The following LPP variants were observed in gnomAD, a reference collection of about 807,000 sequenced individuals.
LPP encodes lipoma-preferred partner.
Under a neutral mutation model 60.4 loss-of-function variants are expected in LPP, and 38 were observed. The observed-to-expected ratio is 0.63, with a 90% confidence interval of 0.49 to 0.83. The LOEUF is 0.83. Ranked by LOEUF, LPP falls within the 40% of genes least tolerant of loss-of-function variation. The probability of loss-of-function intolerance (pLI) is 0.00; values close to 1 mark genes in which losing one functional copy is unlikely to be tolerated. For synonymous variants in LPP, 328 were observed against 290.8 expected, an observed-to-expected ratio of 1.13 and a Z score of -1.30; for missense variants, 902 against 783.6, an observed-to-expected ratio of 1.15 and a Z score of -1.80.
At chr3:188,675,541 G>A (rs1857863110) in intron 7 of LPP, among the ~76,000 whole-genome samples, 1 of 152,202 alleles carries the variant, frequency 6.6e-6, no homozygotes, top group South Asian at 2.1e-4. Flanking sequence ...ATCAAGGGGT[G>A]TTGGTAGTAA....
At chr3:188,345,224 A>G (rs558801529) in intron 3 of LPP, among the ~76,000 whole-genome samples, 61 of 152,312 alleles carry the variant, frequency 4.0e-4, no homozygotes, top group African/African-American at 1.4e-3. Flanking sequence ...AGGCAAAACC[A>G]ATTTCATTTT....
At chr3:188,812,710 C>G (rs112588345) in intron 9 of LPP, among the ~76,000 whole-genome samples, 122 of 152,122 alleles carry the variant, frequency 8.0e-4, no homozygotes, top group African/African-American at 2.9e-3. Flanking sequence ...ATTTTTCCCT[C>G]ATTCCTGGGT....
chr3:188,762,085 A>T (rs1732550623), intron 9 of LPP, among the ~76,000 whole-genome samples: 1 of 152,028 alleles, frequency 6.6e-6, no homozygotes, highest in South Asian at 2.1e-4. Context: ...TAATGATGCT[A>T]CTGTGGCAGC....
At chr3:188,588,435 A>T (rs1444001883) in intron 6 of LPP, among the ~76,000 whole-genome samples, 1 of 152,140 alleles carries the variant, frequency 6.6e-6, no homozygotes, top group Non-Finnish European at 1.5e-5. Context: ...TATCCTTCAC[A>T]ATCTGTCCTG....
intron 9 of LPP, among the ~76,000 whole-genome samples, chr3:188,807,479 T>C (rs752454628): frequency 5.9e-5 from 9 of 152,058 alleles, no homozygotes; most frequent in Non-Finnish European, 1.2e-4. Context: ...TTCATTCTTT[T>C]ATATTTTCTC....
chr3:188,561,987 A>C (rs1579974321), intron 6 of LPP, among the ~76,000 whole-genome samples: 1 of 152,070 alleles, frequency 6.6e-6, no homozygotes, highest in East Asian at 1.9e-4. Flanking sequence ...TAAGGTTGAG[A>C]AGAGGGCAGT....
chr3:188,308,641 C>T (rs1038650786), intron 2 of LPP, among the ~76,000 whole-genome samples: 17 of 152,062 alleles, frequency 1.1e-4, no homozygotes, highest in African/African-American at 4.1e-4. Flanking sequence ...CATTGTGTCA[C>T]GATGAAGCAA....
intron 3 of LPP, among the ~76,000 whole-genome samples, chr3:188,343,316 TA>T (rs1763540307): frequency 6.6e-6 from 1 of 152,196 alleles, no homozygotes. Flanking sequence ...ACATTGTTTT[TA>T]AAAAAGGTAG....
At chr3:188,825,897 G>T (rs1755353650) in intron 9 of LPP, among the ~76,000 whole-genome samples, 1 of 152,026 alleles carries the variant, frequency 6.6e-6, no homozygotes, top group African/African-American at 2.4e-5. Flanking sequence ...ACAGACGTAG[G>T]ACACGTTTTT....
intron 4 of LPP, among the ~76,000 whole-genome samples, chr3:188,477,417 G>A (rs142834857): frequency 9.6e-4 from 146 of 152,270 alleles, no homozygotes; most frequent in African/African-American, 3.4e-3. Context: ...GCTTGAAAAG[G>A]TTTCGTCTCT....
chr3:188,381,621 A>G (rs944143362), intron 3 of LPP, among the ~76,000 whole-genome samples: 2 of 152,222 alleles, frequency 1.3e-5, no homozygotes, highest in African/African-American at 4.8e-5. Flanking sequence ...GGATTGTGTC[A>G]TTCATTGAAA....
At chr3:188,769,115 T>A (rs1258373075) in intron 9 of LPP, among the ~76,000 whole-genome samples, 1 of 152,114 alleles carries the variant, frequency 6.6e-6, no homozygotes, top group Non-Finnish European at 1.5e-5. Flanking sequence ...ATATAAAATA[T>A]CTAGGTAAAA....
Position 188,881,895 on chromosome 3 carries a change from C to G in LPP, c.*7416C>G, listed in dbSNP as rs532210377. 1 of 216,874 alleles carries G rather than the reference C, an allele frequency of 4.6e-6. No homozygotes were observed. Among genetic ancestry groups the G allele is most frequent in the Non-Finnish European group, 9.3e-6 (1 of 107,732 alleles). 13.4% of individuals were successfully genotyped at this position (216,874 alleles called of 1,614,324 possible). A position where few individuals can be genotyped will look rare whatever the true frequency, so the allele number is the denominator to read the frequency against. On this transcript the variant is annotated 3_prime_UTR_variant, in exon 12 of 12. Transcript: ENST00000617246. The stretch of plus-strand genomic sequence containing the variant: ...TGGTTGATTGATTTCGAGATTCATT[C>G]ATTCTGTGCTCAAATATTTGTACCT...
chr3:188,668,313 A>G (rs1265118354), intron 7 of LPP, among the ~76,000 whole-genome samples: 4 of 152,168 alleles, frequency 2.6e-5, no homozygotes, highest in African/African-American at 9.7e-5. Flanking sequence ...GGACATGAAC[A>G]ATGTACAATA....
At chr3:188,660,557 A>T (rs1854338352) in intron 7 of LPP, among the ~76,000 whole-genome samples, 1 of 152,166 alleles carries the variant, frequency 6.6e-6, no homozygotes, top group African/African-American at 2.4e-5. Context: ...TTTCTGTCTT[A>T]AACTTCTCTT....
Position 188,458,317 on chromosome 3 carries a change from G to A in LPP, c.194-26275G>A, listed in dbSNP as rs141611847. ...ATTAGCTGAGACTCACTTGAAGATG[G>A]ACTTCTTGATTTTGAAGAGTTGTCT... On this transcript the variant is annotated intron_variant, in intron 4 of 11. Transcript: ENST00000617246. 8.5e-5 allele frequency among the ~76,000 whole-genome samples: 13 copies of A among 152,302 alleles called. 1 individual carries two copies. The highest frequency in any genetic ancestry group is 1.6e-4 in the Non-Finnish European group (11 of 68,014).
At chr3:188,274,256 T>A (rs1197740278) in intron 2 of LPP, among the ~76,000 whole-genome samples, 3 of 152,240 alleles carry the variant, frequency 2.0e-5, no homozygotes, top group Non-Finnish European at 4.4e-5. Context: ...GTATAATTGC[T>A]CAAATTGTGA....
At chr3:188,538,355 AAGAC>A (rs1020793139) in intron 6 of LPP, among the ~76,000 whole-genome samples, 1 of 152,212 alleles carries the variant, frequency 6.6e-6, no homozygotes, top group African/African-American at 2.4e-5. Flanking sequence ...CATTAAGAAA[AAGAC>A]AGCCCAATTA....
intron 5 of LPP, among the ~76,000 whole-genome samples, chr3:188,515,227 G>C (rs1323762695): frequency 6.6e-6 from 1 of 152,102 alleles, no homozygotes; most frequent in Non-Finnish European, 1.5e-5. Context: ...TTGGTAATGA[G>C]TGAGTTCTTC....
Sources: gnomAD v4.1 joint callset for allele counts (sites outside exome capture counted in the v4.1 genomes callset) on GRCh38, gnomAD v4.1.1 for gene constraint, MANE v1.5 for transcripts, NCBI Gene and HGNC (gene_info 2026-07-23, HGNC 2026-07-21) for gene names.